The following LPIN2 variants were observed in gnomAD, a reference collection of about 807,000 sequenced individuals.
The protein encoded by LPIN2 is phosphatidate phosphatase LPIN2.
LPIN2 carries 55 observed loss-of-function variants against 111.4 expected under a neutral mutation model. The ratio of observed to expected loss-of-function variants is 0.49; its 90% confidence interval spans 0.40 to 0.62. The LOEUF (loss-of-function observed/expected upper bound fraction) is 0.62, where lower values mean the gene tolerates loss of function less well. Among genes scored for constraint, LPIN2 ranks in the 20% least tolerant of loss-of-function variants. The pLI is 0.00. For synonymous variants in LPIN2, 425 were observed against 414.0 expected, an observed-to-expected ratio of 1.03 and a Z score of -0.32; for missense variants, 992 against 1,112.1, an observed-to-expected ratio of 0.89 and a Z score of 1.54.
chr18:2,925,263 AGTT>A lies in LPIN2; in HGVS notation c.1896_1898del (p.Thr633del), dbSNP rs1806898553. ...AGAGGCGGAGAGACTTCTTATATGA[AGTT>A]GTGCTGCCGTGGCTCAGGGGCTCTG... On this transcript the variant is annotated inframe_deletion, in exon 14 of 20. Coordinates refer to ENST00000677752, the MANE Select transcript of LPIN2 (RefSeq NM_001375808.2). This position sits in a 1 kb window ranked among gnomAD's most constrained non-coding sequence, Gnocchi z 4.1. 16 of 1,614,138 alleles carry A rather than the reference AGTT, an allele frequency of 9.9e-6. No homozygotes were observed. The highest frequency in any genetic ancestry group is 1.2e-5 in the Non-Finnish European group (14 of 1,180,016).
At chr18:2,941,321 A>G (rs1194598332) in intron 4 of LPIN2, among the ~76,000 whole-genome samples, 1 of 152,228 alleles carries the variant, frequency 6.6e-6, no homozygotes, top group African/African-American at 2.4e-5. Flanking sequence ...TTTACTTGGA[A>G]TCTACAAGAT....
intron 1 of LPIN2, among the ~76,000 whole-genome samples, chr18:2,963,515 C>T (rs1020599623): frequency 1.3e-5 from 2 of 151,904 alleles, no homozygotes; most frequent in African/African-American, 4.9e-5. Context: ...TAAACTATTC[C>T]TCCTATTTTA....
chr18:2,976,240 G>A (rs532490978), intron 1 of LPIN2, among the ~76,000 whole-genome samples: 1 of 152,348 alleles, frequency 6.6e-6, no homozygotes, highest in South Asian at 2.1e-4. Context: ...GCCCTGGGGT[G>A]AAGGTCTCTC....
intron 1 of LPIN2, among the ~76,000 whole-genome samples, chr18:2,966,694 G>A (rs2077808595): frequency 6.6e-6 from 1 of 152,146 alleles, no homozygotes; most frequent in African/African-American, 2.4e-5. Flanking sequence ...ACTACTTAAA[G>A]ATGAAATGAT....
At chr18:2,927,253 T>TG (rs1264489988) in intron 12 of LPIN2, among the ~76,000 whole-genome samples, 1 of 152,116 alleles carries the variant, frequency 6.6e-6, no homozygotes, top group Non-Finnish European at 1.5e-5. Flanking sequence ...CAGAAGGTGT[T>TG]GGGGAAAAAA....
At chr18:2,978,575 A>G (rs562336957) in intron 1 of LPIN2, among the ~76,000 whole-genome samples, 13 of 152,368 alleles carry the variant, frequency 8.5e-5, no homozygotes, top group African/African-American at 2.6e-4. Flanking sequence ...GAAGAGACTA[A>G]GGAGACAGGA....
chr18:2,927,615 A>G, intron 12 of LPIN2, 107 bp downstream of exon 12: 1 of 1,177,726 alleles, frequency 8.5e-7, no homozygotes, highest in Admixed American at 1.8e-5. Context: ...ATATGGTAAA[A>G]TAGCCCTATA....
chr18:2,973,970 A>G (rs1307342708), intron 1 of LPIN2, among the ~76,000 whole-genome samples: 1 of 152,204 alleles, frequency 6.6e-6, no homozygotes, highest in Non-Finnish European at 1.5e-5. Flanking sequence ...ATTCTGTACT[A>G]TAAACATTTG....
Position 2,924,432 on chromosome 18 carries a change from T to C in LPIN2, c.2053A>G (p.Ile685Val). 6.2e-7 allele frequency: 1 copy of C among 1,614,198 alleles called. No homozygotes were observed. The highest frequency in any genetic ancestry group is 8.5e-7 in the Non-Finnish European group (1 of 1,180,034). The change falls in exon 15 of 20, where the codon ATC (isoleucine) becomes GTC (valine). Residue 685 changes from isoleucine to valine, a missense_variant. Ile to Val is a conservative substitution (Grantham distance 29). Coordinates refer to ENST00000677752, the MANE Select transcript of LPIN2 (RefSeq NM_001375808.2). ...TIYLWNWNDK[I>V]IISDIDGTIT... ...GTCCCATCAATATCAGAAATGATGATCTTGTCATTCCAGTTCCACAGGTAA... is the reference window on the plus strand; with the variant it reads ...GTCCCATCAATATCAGAAATGATGACCTTGTCATTCCAGTTCCACAGGTAA...
chr18:2,974,099 T>C (rs2077968699), intron 1 of LPIN2, among the ~76,000 whole-genome samples: 2 of 152,232 alleles, frequency 1.3e-5, no homozygotes, highest in African/African-American at 4.8e-5. Context: ...GTTGTTGTTT[T>C]GTTTTGTTTT....
intron 8 of LPIN2, among the ~76,000 whole-genome samples, chr18:2,933,180 A>C (rs1327302909): frequency 6.6e-6 from 1 of 152,254 alleles, no homozygotes; most frequent in African/African-American, 2.4e-5. Flanking sequence ...AATATTTATG[A>C]AATGTTTCAA....
chr18:3,008,910 G>A (rs2078559368), intron 1 of LPIN2, among the ~76,000 whole-genome samples: 1 of 147,272 alleles, frequency 6.8e-6, no homozygotes, highest in Non-Finnish European at 1.5e-5. Context: ...GAGAGACAGG[G>A]TCTTGCCATG....
intron 1 of LPIN2, chr18:2,982,810 T>C: frequency 1.0e-6 from 1 of 968,948 alleles, no homozygotes; most frequent in Non-Finnish European, 1.5e-6. Flanking sequence ...GAGATGAAGG[T>C]ATATAATCAA....
chr18:2,997,501 A>G lies in LPIN2; in HGVS notation c.-10+15586T>C, dbSNP rs548044077. ...GTCAAAGCTATAGCAGTCACTTTCA[A>G]GACATCATCAGAGTACCAGGCCACT... On this transcript the variant is annotated intron_variant, in intron 1 of 19. Coordinates refer to ENST00000677752, the MANE Select transcript of LPIN2 (RefSeq NM_001375808.2). Among the ~76,000 whole-genome samples, 5 of 152,350 alleles carry G rather than the reference A, an allele frequency of 3.3e-5. No homozygotes were observed. The East Asian group carries it at 9.6e-4, about 29-fold the overall frequency.
intron 1 of LPIN2, among the ~76,000 whole-genome samples, chr18:2,976,501 T>A (rs534250699): frequency 1.3e-5 from 2 of 152,304 alleles, no homozygotes; most frequent in Admixed American, 1.3e-4. Context: ...AGAAGATAAC[T>A]CAAGGACTAA....
At chr18:2,921,055 G>A (rs572088464) in intron 18 of LPIN2, 174 bp from the exon 19 acceptor site, 2 of 657,452 alleles carry the variant, frequency 3.0e-6, no homozygotes, top group African/African-American at 1.8e-5. Context: ...ACTACAGAGT[G>A]GTGCTTGGAG....
chr18:2,921,577 G>C lies in LPIN2; in HGVS notation c.2398C>G (p.Pro800Ala). The change falls in exon 18 of 20, where the codon CCG becomes GCG. Residue 800 changes from proline (P) to alanine (A), a missense_variant. Around this residue, in one of 4 missense-constraint regions of LPIN2, gnomAD observed 185 missense variants for 186.5 expected, o/e 0.99. Coordinates refer to ENST00000677752, the MANE Select transcript of LPIN2 (RefSeq NM_001375808.2). ...CLNDIKNLFA[P>A]SKQPFYAAFG... is the part of the protein sequence containing the mutation. ...GCAGCATAGAAGGGCTGCTTAGACG[G>C]GGCAAACAGATTCTTGATATCATTT... The C allele has an allele frequency of 6.2e-7, 1 of 1,614,050 alleles. No individual in the cohort carries two copies. Among genetic ancestry groups the C allele is most frequent in the Non-Finnish European group, 8.5e-7 (1 of 1,180,000 alleles).
At chr18:2,923,998 G>T in intron 15 of LPIN2, 137 bp from the exon 16 acceptor site, 1 of 756,508 alleles carries the variant, frequency 1.3e-6, no homozygotes. Context: ...ACAGCTTCAA[G>T]CAACTGCAAG....
At chr18:3,004,934 C>T (rs953378066) in intron 1 of LPIN2, among the ~76,000 whole-genome samples, 14 of 152,138 alleles carry the variant, frequency 9.2e-5, no homozygotes, top group East Asian at 1.9e-4. Context: ...CCCATCTTCC[C>T]GGCTGGTATT....
Sources: gnomAD v4.1 joint callset for allele counts (sites outside exome capture counted in the v4.1 genomes callset) on GRCh38, gnomAD v4.1.1 for gene constraint, gnomAD v4.1.1 regional missense constraint, Gnocchi (gnomAD v3.1) non-coding constraint, MANE v1.5 for transcripts, NCBI Gene and HGNC (gene_info 2026-07-23, HGNC 2026-07-21) for gene names.